Variants in MSRA observed in about 807,000 individuals in gnomAD.
MSRA encodes the protein methionine sulfoxide reductase A.
A neutral mutation model predicts 31.3 loss-of-function variants in MSRA; 54 were observed. That is an observed-to-expected ratio of 1.73 (90% CI 1.39 to 2.17). The LOEUF is 2.17. MSRA is among the 30% of genes most tolerant of loss of function. The pLI is 0.00. For missense variants in MSRA, 507 were observed against 300.9 expected (o/e 1.69, Z -5.07); for synonymous variants, 169 against 116.5 (o/e 1.45, Z -2.90).
At chr8:10,386,671 C>G (rs1806411892) in intron 5 of MSRA, among the ~76,000 whole-genome samples, 1 of 152,076 alleles carries the variant, frequency 6.6e-6, no homozygotes, top group Admixed American at 6.5e-5. Context: ...GCATGTCTAA[C>G]AAGCTCCCAG....
chr8:10,081,522 C>G (rs28695225), intron 1 of MSRA, among the ~76,000 whole-genome samples: 1 of 152,110 alleles, frequency 6.6e-6, no homozygotes. Context: ...TGGAGTCTTA[C>G]TCTGTCACCC....
intron 1 of MSRA, among the ~76,000 whole-genome samples, chr8:10,113,289 C>CCTTTTTTTTTTTTTTTTT (rs1554447231): frequency 2.0e-5 from 1 of 50,906 alleles, no homozygotes; most frequent in Admixed American, 2.9e-4. Context: ...GAAGACAGGT[C>CCTTTTTTTTTTTTTTTTT]TTCTTTTTTT....
At chr8:10,243,386 C>T (rs1226057361) in intron 2 of MSRA, among the ~76,000 whole-genome samples, 1 of 152,136 alleles carries the variant, frequency 6.6e-6, no homozygotes, top group African/African-American at 2.4e-5. Flanking sequence ...ATCATCCTCC[C>T]CTCATCCCAA....
intron 2 of MSRA, among the ~76,000 whole-genome samples, chr8:10,233,387 A>G (rs1449638930): frequency 6.6e-6 from 1 of 152,266 alleles, no homozygotes; most frequent in Non-Finnish European, 1.5e-5. Context: ...AAGAAATGAA[A>G]TATAAATTGA....
intron 1 of MSRA, among the ~76,000 whole-genome samples, chr8:10,204,965 G>C (rs939421618): frequency 2.0e-5 from 3 of 152,176 alleles, no homozygotes; most frequent in Non-Finnish European, 4.4e-5. Context: ...AGTGCTACTT[G>C]GGTGAGTGCT....
intron 4 of MSRA, among the ~76,000 whole-genome samples, chr8:10,311,307 A>C (rs1449125005): frequency 6.6e-6 from 1 of 152,248 alleles, no homozygotes; most frequent in East Asian, 1.9e-4. Context: ...AAGGCAACAC[A>C]GGAACCCAGA....
At chr8:10,335,488 G>T (rs1391697419) in intron 5 of MSRA, among the ~76,000 whole-genome samples, 1 of 152,040 alleles carries the variant, frequency 6.6e-6, no homozygotes, top group Non-Finnish European at 1.5e-5. Flanking sequence ...TGCTGAACTG[G>T]GGAGGCGATT....
At chr8:10,287,211 G>C (rs1799983500) in intron 3 of MSRA, among the ~76,000 whole-genome samples, 2 of 152,146 alleles carry the variant, frequency 1.3e-5, no homozygotes, top group Admixed American at 1.3e-4. Flanking sequence ...TAATTTAGTA[G>C]TTACCATTAG....
chr8:10,137,484 C>T (rs1802369305), intron 1 of MSRA, among the ~76,000 whole-genome samples: 1 of 152,104 alleles, frequency 6.6e-6, no homozygotes, highest in African/African-American at 2.4e-5. Flanking sequence ...TGTTTCATTC[C>T]AAGATTGTGG....
intron 2 of MSRA, among the ~76,000 whole-genome samples, chr8:10,211,472 T>C (rs1022702342): frequency 1.3e-4 from 20 of 152,286 alleles, no homozygotes; most frequent in African/African-American, 4.8e-4. Flanking sequence ...TTCTCCTACC[T>C]GTGTGTGATG....
intron 5 of MSRA, among the ~76,000 whole-genome samples, chr8:10,323,215 A>AC (rs1271244194): frequency 6.6e-6 from 1 of 152,156 alleles, no homozygotes; most frequent in Non-Finnish European, 1.5e-5. Flanking sequence ...ACAGGAACCA[A>AC]CCCCAACCAA....
At chr8:10,371,538 ATTCT>A (rs1805476570) in intron 5 of MSRA, among the ~76,000 whole-genome samples, 1 of 152,166 alleles carries the variant, frequency 6.6e-6, no homozygotes, top group Non-Finnish European at 1.5e-5. Context: ...AAAGAGAAAC[ATTCT>A]TTCTAGTTAG....
At chr8:10,283,264 C>G (rs1460613132) in intron 3 of MSRA, among the ~76,000 whole-genome samples, 1 of 151,970 alleles carries the variant, frequency 6.6e-6, no homozygotes, top group Non-Finnish European at 1.5e-5. Flanking sequence ...CAGTATCACA[C>G]GGTGGATCCT....
At chr8:10,256,316 C>T (rs1029283622) in intron 3 of MSRA, among the ~76,000 whole-genome samples, 1 of 152,162 alleles carries the variant, frequency 6.6e-6, no homozygotes, top group African/African-American at 2.4e-5. Flanking sequence ...TTCTTTTTAG[C>T]ACTGAATAAT....
chr8:10,091,450 T>A (rs1311738558), intron 1 of MSRA, among the ~76,000 whole-genome samples: 1 of 152,222 alleles, frequency 6.6e-6, no homozygotes, highest in African/African-American at 2.4e-5. Context: ...ATATATATTT[T>A]CCTCGTTTAT....
In MSRA at chr8:10,428,385, T is replaced by C. The variant is rs1403480960; in HGVS notation, c.*73T>C. 1 of 1,483,974 alleles carries C rather than the reference T, an allele frequency of 6.7e-7. No homozygotes were observed. The highest frequency in any genetic ancestry group is 1.4e-5 in the African/African-American group (1 of 71,690). The allele number at this position is 1,483,974 out of a possible 1,614,324, so 91.9% of individuals were successfully genotyped here. A position where few individuals can be genotyped will look rare whatever the true frequency, so the allele number is the denominator to read the frequency against. On this transcript the variant is annotated 3_prime_UTR_variant, in exon 6 of 6. Transcript: ENST00000317173. ...AACAAATTGGGCAATGCTTGTGTGA[T>C]TCACAATCGTGGCATTTAAAGTGCA... is the stretch of plus-strand genomic sequence containing the variant.
At chr8:10,253,976 C>T (rs945615504) in intron 3 of MSRA, among the ~76,000 whole-genome samples, 4 of 152,138 alleles carry the variant, frequency 2.6e-5, no homozygotes, top group East Asian at 1.9e-4. Context: ...AGCACCCAGA[C>T]GTGAGCGGAG....
At chr8:10,259,158 G>A (rs1320056069) in intron 3 of MSRA, among the ~76,000 whole-genome samples, 1 of 151,640 alleles carries the variant, frequency 6.6e-6, no homozygotes, top group South Asian at 2.1e-4. Context: ...CTTTGACCTT[G>A]TCAAATCTAT....
chr8:10,420,436 C>G (rs1366876448), intron 5 of MSRA, among the ~76,000 whole-genome samples: 1 of 152,052 alleles, frequency 6.6e-6, no homozygotes, highest in Non-Finnish European at 1.5e-5. Flanking sequence ...GTATAACAAA[C>G]TACCCCAAAA....
Sources: gnomAD v4.1 joint callset for allele counts (sites outside exome capture counted in the v4.1 genomes callset) on GRCh38, gnomAD v4.1.1 for gene constraint, MANE v1.5 for transcripts, NCBI Gene and HGNC (gene_info 2026-07-23, HGNC 2026-07-21) for gene names.